Variants in PBX1 observed in about 807,000 individuals in gnomAD.
PBX1 encodes PBX homeobox 1.
In PBX1, 6 loss-of-function variants were observed where a neutral mutation model predicts 53.4. That is an observed-to-expected ratio of 0.11 (90% confidence interval 0.06 to 0.22). PBX1 has a LOEUF of 0.22. Ranked by LOEUF, PBX1 falls within the 10% of genes least tolerant of loss-of-function variation. The pLI is 1.00. For missense variants in PBX1, 251 were observed against 551.4 expected (o/e 0.46, Z 5.46); for synonymous variants, 204 against 212.3 (o/e 0.96, Z 0.34).
chr1:164,597,025 G>T (rs1333972338), intron 2 of PBX1, among the ~76,000 whole-genome samples: 3 of 152,188 alleles, frequency 2.0e-5, no homozygotes, highest in Non-Finnish European at 2.9e-5. Flanking sequence ...TGTACCCTCT[G>T]TCTTTATTTG....
chr1:164,771,990 G>A (rs1365963135), intron 2 of PBX1, among the ~76,000 whole-genome samples: 1 of 152,180 alleles, frequency 6.6e-6, no homozygotes, highest in African/African-American at 2.4e-5. Context: ...GAATTCAAGT[G>A]TGGGCCCTAC....
At chr1:164,765,612 T>C (rs1172857880) in intron 2 of PBX1, among the ~76,000 whole-genome samples, 1 of 152,212 alleles carries the variant, frequency 6.6e-6, no homozygotes, top group Admixed American at 6.5e-5. Context: ...TGTTAACTCA[T>C]TTAAACCTGA....
intron 2 of PBX1, among the ~76,000 whole-genome samples, chr1:164,706,507 A>G (rs977776283): frequency 6.6e-6 from 1 of 152,152 alleles, no homozygotes; most frequent in African/African-American, 2.4e-5. Flanking sequence ...ATCTTGTTAG[A>G]GTTTTTAAAC....
At chr1:164,703,548 C>T (rs1162523808) in intron 2 of PBX1, among the ~76,000 whole-genome samples, 1 of 152,172 alleles carries the variant, frequency 6.6e-6, no homozygotes, top group Non-Finnish European at 1.5e-5. Context: ...GCTCCCTGCT[C>T]ATTACCACGA....
chr1:164,811,864 C>T, intron 5 of PBX1, 126 bp from the exon 6 acceptor site: 1 of 357,124 alleles, frequency 2.8e-6, no homozygotes, highest in Non-Finnish European at 4.2e-6. Flanking sequence ...CTGATGTTGC[C>T]AAATTATTAT....
chr1:164,756,116 C>T (rs976074744), intron 2 of PBX1, among the ~76,000 whole-genome samples: 1 of 151,978 alleles, frequency 6.6e-6, no homozygotes, highest in Non-Finnish European at 1.5e-5. Flanking sequence ...TAGGGGCTGG[C>T]TTTTGCTTTG....
At chr1:164,681,048 G>A (rs1661738082) in intron 2 of PBX1, among the ~76,000 whole-genome samples, 1 of 152,052 alleles carries the variant, frequency 6.6e-6, no homozygotes, top group Non-Finnish European at 1.5e-5. Context: ...AGTATTGCTT[G>A]AGCCCAGGAG....
At chr1:164,749,436 A>G (rs147939938) in intron 2 of PBX1, among the ~76,000 whole-genome samples, 269 of 152,316 alleles carry the variant, frequency 1.8e-3, no homozygotes, top group African/African-American at 5.8e-3. Flanking sequence ...CCAGTCCTGG[A>G]TAGACACAGA....
intron 2 of PBX1, among the ~76,000 whole-genome samples, chr1:164,733,997 C>T (rs1380181051): frequency 3.3e-5 from 5 of 152,142 alleles, no homozygotes; most frequent in Admixed American, 2.6e-4. Context: ...TTGGCGTATG[C>T]ATGCACATAT....
At chr1:164,572,127 G>A (rs1266626337) in intron 2 of PBX1, among the ~76,000 whole-genome samples, 5 of 151,322 alleles carry the variant, frequency 3.3e-5, no homozygotes, top group South Asian at 4.2e-4. Context: ...GGCTGGTCTC[G>A]AACTCCTGAC....
chr1:164,855,910 T>A (rs1336525605), downstream of PBX1, among the ~76,000 whole-genome samples: 1 of 152,226 alleles, frequency 6.6e-6, no homozygotes, highest in African/African-American at 2.4e-5. Context: ...ATGGGTCCTC[T>A]CCAGTCCACA....
At chr1:164,780,356 T>G (rs1464625192) in intron 2 of PBX1, among the ~76,000 whole-genome samples, 1 of 152,188 alleles carries the variant, frequency 6.6e-6, no homozygotes. Flanking sequence ...TTTCGATAAG[T>G]TGCAATCATT....
chr1:164,618,297 C>CCG (rs1657425269), intron 2 of PBX1, among the ~76,000 whole-genome samples: 1 of 18,106 alleles, frequency 5.5e-5, no homozygotes, highest in Non-Finnish European at 1.1e-4. Flanking sequence ...ATAATCACGG[C>CCG]GGGGGGGGGG....
At chr1:164,874,466 G>A (rs115035257) in intron 2 of PBX1, among the ~76,000 whole-genome samples, 103 of 152,190 alleles carry the variant, frequency 6.8e-4, no homozygotes, top group African/African-American at 2.2e-3. Context: ...CATTCTTACT[G>A]TATAATTTTT....
intron 8 of PBX1, among the ~76,000 whole-genome samples, chr1:164,838,671 C>A (rs932937093): frequency 1.1e-4 from 17 of 152,076 alleles, no homozygotes; most frequent in African/African-American, 3.9e-4. Context: ...GTTCTGAGAT[C>A]TAGTTTTCTC....
At chr1:164,595,250 C>T (rs75769717) in intron 2 of PBX1, among the ~76,000 whole-genome samples, 1 of 152,190 alleles carries the variant, frequency 6.6e-6, no homozygotes, top group Non-Finnish European at 1.5e-5. Flanking sequence ...CAGAGCTTCC[C>T]TGGTACAACT....
rs1557977363 is a variant in PBX1, at chr1:164,739,760, TG to T, written c.266-52733del. Among the ~76,000 whole-genome samples, 50 of 98,254 alleles carry T rather than the reference TG, an allele frequency of 5.1e-4. No homozygotes were observed. The East Asian group carries it at 9.8e-3, about 19-fold the overall frequency. The allele number at this position is 98,254 out of a possible 152,430, so 64.5% of individuals were successfully genotyped here. ...TTCATGAAGTGGTTGTGCATGTGTG[TG>T]TGTGTGTGTGTGTGTGTGTGTGTGT... On this transcript the variant is annotated intron_variant, in intron 2 of 8. Coordinates refer to ENST00000420696, the MANE Select transcript of PBX1 (RefSeq NM_002585.4).
chr1:164,613,910 G>A (rs1226788546), intron 2 of PBX1, among the ~76,000 whole-genome samples: 1 of 151,990 alleles, frequency 6.6e-6, no homozygotes, highest in Non-Finnish European at 1.5e-5. Flanking sequence ...CTACAGTGGA[G>A]ATCCCAGTAT....
chr1:164,618,737 A>G (rs1056186569), intron 2 of PBX1, among the ~76,000 whole-genome samples: 7 of 152,146 alleles, frequency 4.6e-5, no homozygotes, highest in South Asian at 2.1e-4. Context: ...TACATCTCTA[A>G]TATTTATGAA....
Sources: allele counts gnomAD v4.1 joint callset (sites outside exome capture counted in the v4.1 genomes callset), GRCh38; gene constraint gnomAD v4.1.1; transcripts MANE v1.5; gene names NCBI Gene and HGNC (gene_info 2026-07-23, HGNC 2026-07-21).